Variants in APBB2 observed in about 807,000 individuals in gnomAD.
APBB2 encodes the protein amyloid beta precursor protein binding family B member 2, also known as Fe65-like 1.
In APBB2, 38 loss-of-function variants were observed where a neutral mutation model predicts 82.5. That is an observed-to-expected ratio of 0.46 (90% CI 0.36 to 0.60). APBB2 has a LOEUF of 0.60. Ranked by LOEUF, APBB2 falls within the 20% of genes least tolerant of loss-of-function variation. APBB2 has a pLI of 0.00. For missense variants in APBB2, 772 were observed against 972.3 expected, an observed-to-expected ratio of 0.79 and a Z score of 2.74; for synonymous variants, 341 against 368.2, an observed-to-expected ratio of 0.93 and a Z score of 0.85.
chr4:41,058,494 C>T (rs1244354118), intron 4 of APBB2, among the ~76,000 whole-genome samples: 1 of 152,104 alleles, frequency 6.6e-6, no homozygotes, highest in African/African-American at 2.4e-5. Context: ...GGTCAACAGG[C>T]CTCAGATCAC....
At chr4:41,103,831 C>A (rs1342094686) in intron 2 of APBB2, among the ~76,000 whole-genome samples, 1 of 152,178 alleles carries the variant, frequency 6.6e-6, no homozygotes, top group Non-Finnish European at 1.5e-5. Context: ...TTGTCAATCA[C>A]AAGTATTAAT....
At chr4:41,047,996 C>T (rs1322150541) in intron 4 of APBB2, among the ~76,000 whole-genome samples, 1 of 152,184 alleles carries the variant, frequency 6.6e-6, no homozygotes, top group Non-Finnish European at 1.5e-5. Context: ...AACATCACTT[C>T]CTCAATCCTT....
intron 2 of APBB2, among the ~76,000 whole-genome samples, chr4:41,135,377 AATT>A (rs1472755542): frequency 1.3e-5 from 2 of 152,142 alleles, no homozygotes; most frequent in African/African-American, 4.8e-5. Context: ...GTTTTTTATA[AATT>A]ATTATATGTT....
rs762918540 is a variant in APBB2, at chr4:40,944,934, T to C, written c.975A>G (p.Pro325=). 1.9e-6 allele frequency: 3 copies of C among 1,613,752 alleles called. No homozygotes were observed. Among genetic ancestry groups the C allele is most frequent in the Admixed American group, 1.7e-5 (1 of 60,000 alleles). ...TTQWERPVSI[P]ADLQGSRKGS... ...CTTTCCTAGAACCCTGGAGATCTGC[T>C]GGGATGGAGACGGGCCGTTCCCACT... Residue 325 remains proline, a synonymous_variant, in exon 7 of 18, where the codon CCA becomes CCG. Coordinates refer to ENST00000508593, the MANE Select transcript of APBB2 (RefSeq NM_004307.2).
intron 6 of APBB2, among the ~76,000 whole-genome samples, chr4:40,971,715 A>G (rs1220619027): frequency 6.6e-6 from 1 of 152,224 alleles, no homozygotes; most frequent in African/African-American, 2.4e-5. Context: ...TTTCAAAAGT[A>G]GAGAAAGAAA....
Position 40,864,764 on chromosome 4 carries a change from C to T in APBB2, c.1529+25600G>A, listed in dbSNP as rs2953322. On this transcript the variant is annotated intron_variant, in intron 12 of 17. Transcript: ENST00000508593. Reference sequence around the variant, plus strand: ...CCCACCACCCACCAGATCTCTTCTTCCTAACTGCTGCAGGGTGTAGCGAGG... The same window carrying T: ...CCCACCACCCACCAGATCTCTTCTTTCTAACTGCTGCAGGGTGTAGCGAGG... 5.4e-3 allele frequency among the ~76,000 whole-genome samples: 826 copies of T among 152,042 alleles called. 7 individuals are homozygous for T. The highest frequency in any genetic ancestry group is 0.019 in the African/African-American group (785 of 41,488).
At chr4:40,875,123 C>T (rs1004245898) in intron 12 of APBB2, among the ~76,000 whole-genome samples, 2 of 152,156 alleles carry the variant, frequency 1.3e-5, no homozygotes, top group East Asian at 1.9e-4. Context: ...CATGTCACAT[C>T]GTGGGGTTTG....
intron 1 of APBB2, among the ~76,000 whole-genome samples, chr4:41,209,457 G>C (rs1778782737): frequency 6.6e-6 from 1 of 152,190 alleles, no homozygotes; most frequent in Non-Finnish European, 1.5e-5. Context: ...CAGTGACAGG[G>C]CTAACGTCAA....
chr4:41,139,232 C>T (rs750702407), intron 2 of APBB2, among the ~76,000 whole-genome samples: 5 of 152,024 alleles, frequency 3.3e-5, no homozygotes, highest in Non-Finnish European at 7.4e-5. Flanking sequence ...CAGTATCATC[C>T]AACCTATGAA....
At chr4:40,823,414 A>G (rs1232132166) in intron 16 of APBB2, among the ~76,000 whole-genome samples, 2 of 152,204 alleles carry the variant, frequency 1.3e-5, no homozygotes, top group Non-Finnish European at 2.9e-5. Context: ...GGGGCACATG[A>G]GGAAGACAGA....
intron 3 of APBB2, among the ~76,000 whole-genome samples, chr4:41,069,898 T>A (rs1282546082): frequency 6.6e-6 from 1 of 152,228 alleles, no homozygotes; most frequent in African/African-American, 2.4e-5. Flanking sequence ...AAATACTGCA[T>A]GTTAAGTGGG....
intron 1 of APBB2, among the ~76,000 whole-genome samples, chr4:41,146,564 T>C (rs1760816342): frequency 6.6e-6 from 1 of 152,220 alleles, no homozygotes; most frequent in African/African-American, 2.4e-5. Context: ...TCATCGCTTA[T>C]GTCCACACAG....
intron 6 of APBB2, among the ~76,000 whole-genome samples, chr4:40,995,716 A>G (rs1803453230): frequency 6.6e-6 from 1 of 151,916 alleles, no homozygotes; most frequent in African/African-American, 2.4e-5. Flanking sequence ...TTTTAATTTT[A>G]CAGAGACAGG....
chr4:41,047,837 A>G (rs1401772660), intron 4 of APBB2, among the ~76,000 whole-genome samples: 1 of 152,252 alleles, frequency 6.6e-6, no homozygotes. Context: ...GTTAAGTATC[A>G]TAACCAAGGA....
chr4:41,059,394 G>A (rs747112632), intron 4 of APBB2, among the ~76,000 whole-genome samples: 1 of 152,250 alleles, frequency 6.6e-6, no homozygotes, highest in Non-Finnish European at 1.5e-5. Context: ...CCAGGATGTT[G>A]GGGGCAAGCC....
chr4:41,169,708 C>T (rs1467797407), intron 1 of APBB2, among the ~76,000 whole-genome samples: 1 of 152,178 alleles, frequency 6.6e-6, no homozygotes, highest in Non-Finnish European at 1.5e-5. Context: ...ATGCCTCCAT[C>T]GAACATTTTC....
chr4:40,923,022 C>A (rs56108596), intron 10 of APBB2, among the ~76,000 whole-genome samples: 2 of 149,354 alleles, frequency 1.3e-5, no homozygotes, highest in Non-Finnish European at 3.0e-5. Context: ...TAGCCCAGGC[C>A]GGATTGCAGT....
intron 12 of APBB2, among the ~76,000 whole-genome samples, chr4:40,887,672 T>C (rs957694080): frequency 1.3e-5 from 2 of 152,090 alleles, no homozygotes; most frequent in Non-Finnish European, 2.9e-5. Flanking sequence ...CAAACACACT[T>C]TTAAAATTTA....
At chr4:41,189,752 G>T (rs969286695) in intron 1 of APBB2, among the ~76,000 whole-genome samples, 1 of 152,182 alleles carries the variant, frequency 6.6e-6, no homozygotes, top group East Asian at 1.9e-4. Context: ...TCCTTACATA[G>T]TAAGTCATTT....
Sources: allele counts gnomAD v4.1 joint callset (sites outside exome capture counted in the v4.1 genomes callset), GRCh38; gene constraint gnomAD v4.1.1; transcripts MANE v1.5; gene names NCBI Gene and HGNC (gene_info 2026-07-23, HGNC 2026-07-21).